VPS33B: variants seen among roughly 807,000 people sequenced by gnomAD.
VPS33B encodes the protein vacuolar protein sorting-associated protein 33B.
In VPS33B, 80 loss-of-function variants were observed where a neutral mutation model predicts 95.3. The ratio of observed to expected loss-of-function variants is 0.84; its 90% CI spans 0.70 to 1.01. VPS33B has a LOEUF of 1.01. Ranked by LOEUF, VPS33B falls within the 50% of genes least tolerant of loss-of-function variation. VPS33B has a pLI of 0.00. For synonymous variants in VPS33B, 280 were observed against 280.4 expected, an observed-to-expected ratio of 1.00 and a Z score of 0.01; for missense variants, 715 against 773.4, an observed-to-expected ratio of 0.92 and a Z score of 0.90.
chr15:91,018,266 C>G lies in VPS33B; in HGVS notation c.97-381G>C, dbSNP rs547221665. 5.3e-5 allele frequency among the ~76,000 whole-genome samples: 8 copies of G among 152,304 alleles called. No homozygotes were observed. The East Asian group carries it at 1.2e-3, about 22-fold the overall frequency. ...CAAAGCCAAACACAACAGAACCCCA[C>G]CTTGCATTTTTCTCCTAAGTACAAA... On this transcript the variant is annotated intron_variant, in intron 1 of 22. Transcript: ENST00000333371. This position sits in a 1 kb window ranked among gnomAD's most constrained non-coding sequence, Gnocchi z 4.7.
In VPS33B at chr15:91,013,767, T is replaced by G; in HGVS notation, c.357+37A>C. The stretch of plus-strand genomic sequence containing the variant: ...ACCCCTGCCCGGTCCTCAGTCCTGT[T>G]CTACCTTATCCCACTTCCTCCAGGA... On this transcript the variant is annotated intron_variant, in intron 5 of 22. Transcript: ENST00000333371. This position sits in a 1 kb window ranked among gnomAD's most constrained non-coding sequence, Gnocchi z 4.5. 1.2e-6 allele frequency: 2 copies of G among 1,613,010 alleles called. No homozygotes were observed. The highest frequency in any genetic ancestry group is 1.7e-6 in the Non-Finnish European group (2 of 1,179,060).
chr15:91,021,565 A>C (rs2041102706), intron 1 of VPS33B, among the ~76,000 whole-genome samples: 1 of 152,174 alleles, frequency 6.6e-6, no homozygotes, highest in Non-Finnish European at 1.5e-5. Context: ...TCATGCCACA[A>C]ATGGAAAAAA....
chr15:91,009,044 T>C lies in VPS33B; in HGVS notation c.403+757A>G, dbSNP rs978649225. On this transcript the variant is annotated intron_variant, in intron 6 of 22. Transcript: ENST00000333371. This position sits in a 1 kb window ranked among gnomAD's most constrained non-coding sequence, Gnocchi z 4.1. Reference sequence around the variant, plus strand: ...CATGTTGGGGATTCTGGGCTTTATATTGAGCCGCTGCTATTTCCAGCAGGG... The same window carrying C: ...CATGTTGGGGATTCTGGGCTTTATACTGAGCCGCTGCTATTTCCAGCAGGG... 2.0e-5 allele frequency among the ~76,000 whole-genome samples: 3 copies of C among 152,056 alleles called. No homozygotes were observed. The highest frequency in any genetic ancestry group is 2.1e-4 in the South Asian group (1 of 4,818).
At position 91,004,946 on chromosome 15, in the gene VPS33B, A is replaced by T. The variant is rs1319761855; in HGVS notation, c.1171-15T>A. 6 of 1,614,238 alleles carry T rather than the reference A, an allele frequency of 3.7e-6. No homozygotes were observed. Among genetic ancestry groups the T allele is most frequent in the Non-Finnish European group, 5.1e-6 (6 of 1,180,050 alleles). On this transcript the variant is annotated splice_polypyrimidine_tract_variant and intron_variant, in intron 15 of 22. Transcript: ENST00000333371. The stretch of plus-strand genomic sequence containing the variant: ...ATAGGCGACACCTGCATAGGAAGAA[A>T]GAATCAAGGAGAATTGAAGCTTCAC...
chr15:91,006,602 G>A lies in VPS33B; in HGVS notation c.778+50C>T. ...CCCTGCCCCACGTGGGAGGTGCCAA[G>A]GCTGATGACCCGTCCATCTTGCCAA... On this transcript the variant is annotated intron_variant, in intron 10 of 22. Transcript: ENST00000333371. The surrounding 1 kb of genome is among the most constrained non-coding windows in gnomAD (Gnocchi z 5.4). 1 of 1,612,956 alleles carries A rather than the reference G, an allele frequency of 6.2e-7. No individual in the cohort carries two copies. The highest frequency in any genetic ancestry group is 8.5e-7 in the Non-Finnish European group (1 of 1,178,884).
Position 91,005,837 on chromosome 15 carries a change from C to G in VPS33B, c.940-53G>C. ...CCCCAACCTCAGACACGAGAAACCA[C>G]CACCCTCCCTCAGTTGCCATCCATC... On this transcript the variant is annotated intron_variant, in intron 12 of 22. Coordinates refer to ENST00000333371, the MANE Select transcript of VPS33B (RefSeq NM_018668.5). This position sits in a 1 kb window ranked among gnomAD's most constrained non-coding sequence, Gnocchi z 6.4. 1 of 1,611,590 alleles carries G rather than the reference C, an allele frequency of 6.2e-7. No individual in the cohort carries two copies. The highest frequency in any genetic ancestry group is 8.5e-7 in the Non-Finnish European group (1 of 1,177,804).
At chr15:90,998,670 G>A (rs548175737), downstream of VPS33B, 15 of 441,886 alleles carry the variant, frequency 3.4e-5, no homozygotes, top group East Asian at 1.9e-4. The surrounding 1 kb of genome is among the most constrained non-coding windows in gnomAD (Gnocchi z 4.8). Flanking sequence ...AACGACCAAC[G>A]TATTACATCT....
At chr15:91,021,296 A>G (rs2041094528) in intron 1 of VPS33B, among the ~76,000 whole-genome samples, 1 of 152,224 alleles carries the variant, frequency 6.6e-6, no homozygotes, top group Non-Finnish European at 1.5e-5. Context: ...TTAAAATCAC[A>G]GTGGCAGTAT....
chr15:91,022,280 G>A lies in VPS33B; in HGVS notation c.-31C>T. ...CGGTCACCTGCGCCGCGGGGTGGAA[G>A]GACGCCCTTCGTTCTGAGAAGGCCG... On this transcript the variant is annotated 5_prime_UTR_variant, in exon 1 of 23. Coordinates refer to ENST00000333371, the MANE Select transcript of VPS33B (RefSeq NM_018668.5). 3 of 1,529,020 alleles carry A rather than the reference G, an allele frequency of 2.0e-6. No individual in the cohort carries two copies. The highest frequency in any genetic ancestry group is 1.2e-5 in the South Asian group (1 of 82,524). 94.7% of individuals were successfully genotyped at this position (1,529,020 alleles called of 1,614,324 possible).
chr15:91,006,974 C>T lies in VPS33B; in HGVS notation c.676G>A (p.Gly226Arg). The change falls in exon 9 of 23, where the codon GGA (glycine) becomes AGA (arginine). Residue 226 changes from glycine (G) to arginine (R), a missense_variant. By Grantham distance (125) the Gly-to-Arg change is moderately radical. Transcript: ENST00000333371. The surrounding 1 kb of genome is among the most constrained non-coding windows in gnomAD (Gnocchi z 5.4). ...CCTCTGTCCAAGAGAAAGATATGTC[C>T]AATCTCTGGCCTTCGGCCCTTGGTT... ...GETKGRRPEI[G>R]HIFLLDRDVD... 1 of 1,614,126 alleles carries T rather than the reference C, an allele frequency of 6.2e-7. No homozygotes were observed. The highest frequency in any genetic ancestry group is 8.5e-7 in the Non-Finnish European group (1 of 1,180,038).
chr15:91,017,717 G>A (rs1567229838), intron 2 of VPS33B, 88 bp downstream of exon 2: 10 of 1,240,556 alleles, frequency 8.1e-6, no homozygotes, highest in Middle Eastern at 1.9e-4. Context: ...TGCCCTACAA[G>A]AGTAGTCACT....
In VPS33B at chr15:91,006,097, A is replaced by G; in HGVS notation, c.853-38T>C. The G allele has an allele frequency of 1.2e-6, 2 of 1,607,604 alleles. No individual in the cohort carries two copies. Among genetic ancestry groups the G allele is most frequent in the Non-Finnish European group, 1.7e-6 (2 of 1,174,770 alleles). ...TAAGACAAGAACAGCTTACTCTGTCAGAACCATAACTTAGCAGTAGAATGA... is the reference window on the plus strand; with the variant it reads ...TAAGACAAGAACAGCTTACTCTGTCGGAACCATAACTTAGCAGTAGAATGA... On this transcript the variant is annotated intron_variant, in intron 11 of 22. Transcript: ENST00000333371. This position sits in a 1 kb window ranked among gnomAD's most constrained non-coding sequence, Gnocchi z 5.4.
In VPS33B at chr15:91,017,365, T is replaced by TTAAAAAAAAAAAAAAA. The variant is rs1555460460; in HGVS notation, c.178-342_178-341insTTTTTTTTTTTTTTTA. 7.6e-4 allele frequency among the ~76,000 whole-genome samples: 13 copies of TTAAAAAAAAAAAAAAA among 16,996 alleles called. 2 individuals are homozygous for TTAAAAAAAAAAAAAAA. The East Asian group carries it at 0.012, about 16-fold the overall frequency. The allele number at this position is 16,996 out of a possible 152,430, so 11.2% of individuals were successfully genotyped here. ...TAACAAGACTCCATCTCTACAAAAT[T>TTAAAAAAAAAAAAAAA]AAATATATATATATATATATATATA... On this transcript the variant is annotated intron_variant, in intron 2 of 22. Transcript: ENST00000333371.
Position 91,006,982 on chromosome 15 carries a change from GGCCTTC to G in VPS33B, c.662_667del (p.Arg221_Arg222del). 2 of 1,614,054 alleles carry G rather than the reference GGCCTTC, an allele frequency of 1.2e-6. No homozygotes were observed. The highest frequency in any genetic ancestry group is 1.7e-6 in the Non-Finnish European group (2 of 1,180,028). On this transcript the variant is annotated inframe_deletion, in exon 9 of 23. Coordinates refer to ENST00000333371, the MANE Select transcript of VPS33B (RefSeq NM_018668.5). This position sits in a 1 kb window ranked among gnomAD's most constrained non-coding sequence, Gnocchi z 5.4. ...CAAGAGAAAGATATGTCCAATCTCT[GGCCTTC>G]GGCCCTTGGTTTCGCCATCCTCCTC...
rs567180920 is a variant in VPS33B at position 91,013,815 on chromosome 15, T to C, written c.346A>G (p.Ser116Gly). 1.2e-6 allele frequency: 2 copies of C among 1,614,182 alleles called. No homozygotes were observed. Among genetic ancestry groups the C allele is most frequent in the Non-Finnish European group, 1.7e-6 (2 of 1,180,010 alleles). Reference protein sequence around the residue: ...GRTRKYKVIFSPQKFYACEMV... With the variant: ...GRTRKYKVIFGPQKFYACEMV... ...GGATCCAAACTCACCTTTTGAGGGC[T>C]GAAGATCACTTTGTATTTGCGAGTT... Residue 116 changes from serine to glycine, a missense_variant, in exon 5 of 23, where the codon AGC becomes GGC. Physicochemically the swap from Ser to Gly is moderately conservative, Grantham distance 56. Coordinates refer to ENST00000333371, the MANE Select transcript of VPS33B (RefSeq NM_018668.5). The surrounding 1 kb of genome is among the most constrained non-coding windows in gnomAD (Gnocchi z 4.5).
intron 3 of VPS33B, among the ~76,000 whole-genome samples, chr15:91,016,492 G>A (rs1040563660): frequency 3.4e-5 from 5 of 146,562 alleles, no homozygotes; most frequent in African/African-American, 1.3e-4. Context: ...CAAGCGATTC[G>A]CCTGGCTCAG....
chr15:91,002,227 A>G lies in VPS33B; in HGVS notation c.1273-45T>C. Reference sequence around the variant, plus strand: ...ACTATTTACTGAGTGTCCAAAGAGCATCTAGTACTGTCAGGTACTACAGAG... The same window carrying G: ...ACTATTTACTGAGTGTCCAAAGAGCGTCTAGTACTGTCAGGTACTACAGAG... On this transcript the variant is annotated intron_variant, in intron 17 of 22. Coordinates refer to ENST00000333371, the MANE Select transcript of VPS33B (RefSeq NM_018668.5). The surrounding 1 kb of genome is among the most constrained non-coding windows in gnomAD (Gnocchi z 4.7). 6.2e-7 allele frequency: 1 copy of G among 1,611,782 alleles called. No individual in the cohort carries two copies.
At chr15:91,014,672 T>C (rs1424735219) in intron 3 of VPS33B, among the ~76,000 whole-genome samples, 4 of 152,206 alleles carry the variant, frequency 2.6e-5, no homozygotes, top group East Asian at 1.9e-4. Flanking sequence ...CAAAAGTTCC[T>C]GTTCTCAAAT....
chr15:91,022,435 AC>A lies in VPS33B; in HGVS notation c.-187del. 1 of 571,054 alleles carries A rather than the reference AC, an allele frequency of 1.8e-6. No individual in the cohort carries two copies. The highest frequency in any genetic ancestry group is 3.1e-6 in the Non-Finnish European group (1 of 322,888). The allele number at this position is 571,054 out of a possible 1,614,324, so 35.4% of individuals were successfully genotyped here. Reference sequence around the variant, plus strand: ...ATGGCCACCTCCAGGCAAGAGAGCTACTACCTCGGAGCAGCCTTGTCTCAGA... The same window carrying A: ...ATGGCCACCTCCAGGCAAGAGAGCTATACCTCGGAGCAGCCTTGTCTCAGA... On this transcript the variant is annotated 5_prime_UTR_variant, in exon 1 of 23. Coordinates refer to ENST00000333371, the MANE Select transcript of VPS33B (RefSeq NM_018668.5).
Sources: allele counts gnomAD v4.1 joint callset (sites outside exome capture counted in the v4.1 genomes callset), GRCh38; gene constraint gnomAD v4.1.1; non-coding constraint Gnocchi (gnomAD v3.1); transcripts MANE v1.5; gene names NCBI Gene and HGNC (gene_info 2026-07-23, HGNC 2026-07-21).